MAML3: variants seen among roughly 807,000 people sequenced by gnomAD.
MAML3 encodes the protein mastermind-like protein 3.
MAML3 carries 27 observed loss-of-function variants against 101.9 expected under a neutral mutation model. The observed-to-expected ratio is 0.27, with a 90% CI of 0.20 to 0.37. The LOEUF is 0.37. Ranked by LOEUF, MAML3 falls within the 10% of genes least tolerant of loss-of-function variation. The pLI, the probability that MAML3 is intolerant of heterozygous loss-of-function variation, is 1.00. For synonymous variants in MAML3, 501 were observed against 555.9 expected, an observed-to-expected ratio of 0.90 and a Z score of 1.39; for missense variants, 1,316 against 1,444.9, an observed-to-expected ratio of 0.91 and a Z score of 1.45.
intron 1 of MAML3, among the ~76,000 whole-genome samples, chr4:140,118,709 C>T (rs1048639531): frequency 6.0e-4 from 91 of 152,036 alleles, no homozygotes; most frequent in African/African-American, 2.1e-3. Flanking sequence ...TGGAAAGCCT[C>T]GATTCATGCC....
At chr4:140,023,682 C>T (rs1726773480) in intron 1 of MAML3, among the ~76,000 whole-genome samples, 1 of 152,186 alleles carries the variant, frequency 6.6e-6, no homozygotes, top group African/African-American at 2.4e-5. Flanking sequence ...GTTTAATAAA[C>T]ATAATTCACC....
At chr4:139,774,405 G>A (rs1730055499) in intron 2 of MAML3, among the ~76,000 whole-genome samples, 1 of 152,188 alleles carries the variant, frequency 6.6e-6, no homozygotes, top group African/African-American at 2.4e-5. Flanking sequence ...CACGTAGTAG[G>A]AGTTCAATCC....
chr4:140,137,081 C>G lies in MAML3; in HGVS notation c.468+15779G>C, dbSNP rs531579113. ...TCGGCTCACTGCAGGCTCCGCCTCCCGGGTTCACGCCATTCTCCTGCCTCA... is the reference window on the plus strand; with the variant it reads ...TCGGCTCACTGCAGGCTCCGCCTCCGGGGTTCACGCCATTCTCCTGCCTCA... On this transcript the variant is annotated intron_variant, in intron 1 of 4. Transcript: ENST00000509479. 2.0e-5 allele frequency among the ~76,000 whole-genome samples: 3 copies of G among 152,350 alleles called. No individual in the cohort carries two copies. In the South Asian group the frequency reaches 6.2e-4, roughly 32 times the overall value.
At position 139,972,902 on chromosome 4, in the gene MAML3, A is replaced by G. The variant is rs62347768; in HGVS notation, c.469-81935T>C. Among the ~76,000 whole-genome samples the G allele has an allele frequency of 2.3e-3, 356 of 152,312 alleles. 1 individual carries two copies. Among genetic ancestry groups the G allele is most frequent in the Non-Finnish European group, 4.5e-3 (304 of 68,018 alleles). On this transcript the variant is annotated intron_variant, in intron 1 of 4. Coordinates refer to ENST00000509479, the MANE Select transcript of MAML3 (RefSeq NM_018717.5). ...AGAGAACTATACACTTATAAACAAA[A>G]TACAACACAGAATACATTACCTAGA...
At chr4:140,111,342 G>A (rs1433869865) in intron 1 of MAML3, among the ~76,000 whole-genome samples, 1 of 152,176 alleles carries the variant, frequency 6.6e-6, no homozygotes, top group Admixed American at 6.5e-5. Flanking sequence ...TGCAACTGAG[G>A]ATTAGCCTAC....
chr4:140,093,422 T>G (rs1040391941), intron 1 of MAML3, among the ~76,000 whole-genome samples: 1 of 148,120 alleles, frequency 6.8e-6, no homozygotes, highest in African/African-American at 2.5e-5. Flanking sequence ...GTTTGTTTTT[T>G]TTTTTTTTTT....
intron 2 of MAML3, among the ~76,000 whole-genome samples, chr4:139,827,502 G>A (rs530962909): frequency 6.6e-6 from 1 of 152,260 alleles, no homozygotes; most frequent in South Asian, 2.1e-4. Context: ...CTCTGGGATA[G>A]GTGAATGCAA....
At chr4:139,995,232 A>G (rs1269127939) in intron 1 of MAML3, among the ~76,000 whole-genome samples, 1 of 152,234 alleles carries the variant, frequency 6.6e-6, no homozygotes, top group African/African-American at 2.4e-5. Context: ...CCAACTTTAC[A>G]TTAATGGGAT....
At chr4:140,120,069 C>T (rs1728580705) in intron 1 of MAML3, among the ~76,000 whole-genome samples, 2 of 152,034 alleles carry the variant, frequency 1.3e-5, no homozygotes, top group South Asian at 4.2e-4. Context: ...AACCCCGTCT[C>T]TACTAAAAAT....
chr4:139,872,933 T>C (rs886829552), intron 2 of MAML3, among the ~76,000 whole-genome samples: 5 of 151,750 alleles, frequency 3.3e-5, no homozygotes, highest in African/African-American at 1.2e-4. Context: ...TTAAAAAAAT[T>C]AGCCGGGCAT....
At chr4:140,049,232 C>CGGAA (rs1727229616) in intron 1 of MAML3, among the ~76,000 whole-genome samples, 1 of 152,176 alleles carries the variant, frequency 6.6e-6, no homozygotes, top group Non-Finnish European at 1.5e-5. Context: ...TTCCCTCTTC[C>CGGAA]TCCTACCATC....
chr4:140,052,169 A>G (rs1727280043), intron 1 of MAML3, among the ~76,000 whole-genome samples: 1 of 152,256 alleles, frequency 6.6e-6, no homozygotes, highest in Admixed American at 6.5e-5. Context: ...GTTAAATAAA[A>G]GGCTAAATTT....
At chr4:139,869,278 C>T (rs1256418053) in intron 2 of MAML3, among the ~76,000 whole-genome samples, 2 of 152,194 alleles carry the variant, frequency 1.3e-5, no homozygotes, top group Non-Finnish European at 2.9e-5. Context: ...GGGAACTCTA[C>T]TCTTTACTCC....
At chr4:139,952,000 C>T (rs1237221819) in intron 1 of MAML3, among the ~76,000 whole-genome samples, 2 of 152,106 alleles carry the variant, frequency 1.3e-5, no homozygotes, top group African/African-American at 2.4e-5. Flanking sequence ...CCTGTCTCTA[C>T]TAAAAATACA....
chr4:139,767,879 T>C (rs1282340367), intron 2 of MAML3, among the ~76,000 whole-genome samples: 4 of 152,254 alleles, frequency 2.6e-5, no homozygotes, highest in South Asian at 4.1e-4. Flanking sequence ...TGGTTCCTCC[T>C]TGAACCTTTT....
intron 1 of MAML3, among the ~76,000 whole-genome samples, chr4:140,078,669 G>T (rs76983174): frequency 1.3e-3 from 196 of 152,330 alleles, no homozygotes; most frequent in African/African-American, 4.4e-3. Flanking sequence ...AGAGGGACTA[G>T]AGCAAGAATT....
At position 139,785,410 on chromosome 4, in the gene MAML3, T is replaced by A. The variant is rs558496859; in HGVS notation, c.2080-54743A>T. On this transcript the variant is annotated intron_variant, in intron 2 of 4. Coordinates refer to ENST00000509479, the MANE Select transcript of MAML3 (RefSeq NM_018717.5). The surrounding 1 kb of genome is among the most constrained non-coding windows in gnomAD (Gnocchi z 4.3). ...GAAGGGCTGTGAAGGAGGAATATAA[T>A]GGTTCCCTATGCTTGCTCTGGGATC... Among the ~76,000 whole-genome samples the A allele has an allele frequency of 6.6e-6, 1 of 152,362 alleles. No individual in the cohort carries two copies. The highest frequency in any genetic ancestry group is 1.9e-4 in the East Asian group (1 of 5,186).
intron 1 of MAML3, among the ~76,000 whole-genome samples, chr4:139,948,932 G>C (rs1733782845): frequency 6.6e-6 from 1 of 152,180 alleles, no homozygotes; most frequent in South Asian, 2.1e-4. Flanking sequence ...CTCACTCCAG[G>C]GGTAAGCTCT....
At chr4:139,743,835 T>C (rs1056555299) in intron 2 of MAML3, among the ~76,000 whole-genome samples, 8 of 152,236 alleles carry the variant, frequency 5.3e-5, no homozygotes, top group African/African-American at 1.9e-4. Context: ...TTTTCTTTGA[T>C]GTAGTCACAG....
Sources: allele counts gnomAD v4.1 joint callset (sites outside exome capture counted in the v4.1 genomes callset), GRCh38; gene constraint gnomAD v4.1.1; non-coding constraint Gnocchi (gnomAD v3.1); transcripts MANE v1.5; gene names NCBI Gene and HGNC (gene_info 2026-07-23, HGNC 2026-07-21).